The following NTM variants were observed in gnomAD, a reference collection of about 807,000 sequenced individuals.
NTM encodes neurotrimin.
A neutral mutation model predicts 42.1 loss-of-function variants in NTM; 13 were observed. The observed-to-expected ratio is 0.31, with a 90% CI of 0.20 to 0.49. The LOEUF (loss-of-function observed/expected upper bound fraction) is 0.49. Ranked by LOEUF, NTM falls within the 20% of genes least tolerant of loss-of-function variation. The pLI, the probability that NTM is intolerant of heterozygous loss-of-function variation, is 0.99. For synonymous variants in NTM, 187 were observed against 179.2 expected (o/e 1.04, Z -0.35); for missense variants, 373 against 452.8 (o/e 0.82, Z 1.60).
intron 1 of NTM, among the ~76,000 whole-genome samples, chr11:131,863,668 T>C (rs2046862703): frequency 6.6e-6 from 1 of 152,240 alleles, no homozygotes; most frequent in African/African-American, 2.4e-5. Flanking sequence ...TACTGTCCTG[T>C]CTGACGTCCA....
At chr11:131,549,884 C>G (rs117090998) in intron 1 of NTM, among the ~76,000 whole-genome samples, 1 of 152,210 alleles carries the variant, frequency 6.6e-6, no homozygotes, top group Non-Finnish European at 1.5e-5. Context: ...TGACAAACCA[C>G]GATTCGAGGT....
At chr11:131,824,839 T>C (rs1172995948) in intron 1 of NTM, among the ~76,000 whole-genome samples, 1 of 152,082 alleles carries the variant, frequency 6.6e-6, no homozygotes, top group Admixed American at 6.6e-5. Flanking sequence ...ACAAAAGAAA[T>C]GGCTTGTGCA....
chr11:131,714,843 G>A (rs533302155), intron 1 of NTM, among the ~76,000 whole-genome samples: 1 of 152,258 alleles, frequency 6.6e-6, no homozygotes, highest in South Asian at 2.1e-4. Flanking sequence ...AGTGTCCACA[G>A]CCTTTGCAGT....
chr11:131,786,890 A>C (rs1408421050), intron 1 of NTM, among the ~76,000 whole-genome samples: 2 of 152,212 alleles, frequency 1.3e-5, no homozygotes, highest in Non-Finnish European at 2.9e-5. Flanking sequence ...TGAGCACTGA[A>C]AATAGGCTTA....
chr11:131,757,383 A>G (rs888684815), intron 1 of NTM, among the ~76,000 whole-genome samples: 2 of 152,212 alleles, frequency 1.3e-5, no homozygotes, highest in Non-Finnish European at 2.9e-5. Flanking sequence ...ATGGACTCCA[A>G]CTGTCTAGCT....
chr11:131,488,131 C>T (rs766864592), intron 1 of NTM, among the ~76,000 whole-genome samples: 20 of 152,216 alleles, frequency 1.3e-4, no homozygotes, highest in Non-Finnish European at 2.5e-4. Flanking sequence ...AAAACTCAGG[C>T]TTCAGGGGCT....
At chr11:132,101,188 C>G (rs936971477) in intron 2 of NTM, among the ~76,000 whole-genome samples, 3 of 152,140 alleles carry the variant, frequency 2.0e-5, no homozygotes, top group Non-Finnish European at 4.4e-5. Flanking sequence ...TCCTCTCCTG[C>G]CCTCCCCACC....
At chr11:132,323,874 C>T (rs867168172) in intron 7 of NTM, among the ~76,000 whole-genome samples, 20,847 of 145,176 alleles carry the variant, frequency 0.14, 1,849 homozygotes, top group Non-Finnish European at 0.2. Flanking sequence ...GTTCAATATA[C>T]ACAAATCAAT....
intron 1 of NTM, among the ~76,000 whole-genome samples, chr11:131,440,803 A>C (rs1949548554): frequency 4.6e-5 from 4 of 86,444 alleles, no homozygotes; most frequent in Non-Finnish European, 6.5e-5. Flanking sequence ...GCCACCCCTC[A>C]CCACAGCCTC....
At chr11:132,277,966 A>G (rs1299214607) in intron 4 of NTM, among the ~76,000 whole-genome samples, 1 of 152,210 alleles carries the variant, frequency 6.6e-6, no homozygotes, top group South Asian at 2.1e-4. Flanking sequence ...CAGTTTATTG[A>G]GAACTCGAAA....
chr11:132,230,623 C>T (rs2087336242), intron 4 of NTM, among the ~76,000 whole-genome samples: 1 of 152,248 alleles, frequency 6.6e-6, no homozygotes, highest in African/African-American at 2.4e-5. Context: ...TCTGAGCCTT[C>T]GCCATCTCCT....
At chr11:131,722,932 C>T (rs1052796557) in intron 1 of NTM, among the ~76,000 whole-genome samples, 18 of 152,316 alleles carry the variant, frequency 1.2e-4, no homozygotes, top group African/African-American at 3.8e-4. Flanking sequence ...AACTTCTGGG[C>T]TGCAATTGAT....
In NTM at chr11:132,310,160, A is replaced by G. The variant is rs1182646044; in HGVS notation, c.710A>G (p.Gln237Arg). 1.2e-6 allele frequency: 2 copies of G among 1,611,086 alleles called. No individual in the cohort carries two copies. Among genetic ancestry groups the G allele is most frequent in the East Asian group, 2.2e-5 (1 of 44,628 alleles). Residue 237 changes from glutamine to arginine, a missense_variant, in exon 6 of 9, where the codon CAA becomes CGA. Gln to Arg is a conservative substitution (Grantham distance 43). Coordinates refer to ENST00000683400, the MANE Select transcript of NTM (RefSeq NM_001352005.2). ...AAGGGTACAGGTGTCCCCGTGGGAC[A>G]AAAGGGGACACTGCAGTGTGAAGCC... ...EAKGTGVPVG[Q>R]KGTLQCEASA...
intron 2 of NTM, among the ~76,000 whole-genome samples, chr11:132,006,976 A>C (rs1302113669): frequency 6.6e-6 from 1 of 152,182 alleles, no homozygotes; most frequent in Non-Finnish European, 1.5e-5. Context: ...GGTGGGCTAA[A>C]CATTTTACTT....
intron 1 of NTM, among the ~76,000 whole-genome samples, chr11:131,527,288 A>G (rs1334663497): frequency 1.3e-5 from 2 of 152,040 alleles, no homozygotes; most frequent in African/African-American, 4.8e-5. Context: ...AACAGTTTTT[A>G]TTCCCCCACC....
chr11:132,223,541 C>G (rs1469554178), intron 4 of NTM, among the ~76,000 whole-genome samples: 1 of 152,146 alleles, frequency 6.6e-6, no homozygotes, highest in African/African-American at 2.4e-5. Context: ...CACATGGTGA[C>G]AGAACCTATT....
At chr11:131,623,448 A>G (rs1209401769) in intron 1 of NTM, among the ~76,000 whole-genome samples, 1 of 152,258 alleles carries the variant, frequency 6.6e-6, no homozygotes, top group Non-Finnish European at 1.5e-5. Context: ...GACAGATGCC[A>G]TGCTGTCCAC....
In NTM at chr11:131,651,220, C is replaced by T. The variant is rs112344262; in HGVS notation, c.83-260344C>T. Among the ~76,000 whole-genome samples the T allele has an allele frequency of 1.4e-3, 210 of 152,274 alleles. 1 individual carries two copies. The highest frequency in any genetic ancestry group is 4.8e-3 in the African/African-American group (200 of 41,554). The stretch of plus-strand genomic sequence containing the variant: ...ACAGATACTGTGTAGGTGGTTATTG[C>T]AGAATTAATCCTCAGTAAATGTTTT... On this transcript the variant is annotated intron_variant, in intron 1 of 8. Transcript: ENST00000683400.
chr11:131,816,466 G>A (rs950123376), intron 1 of NTM, among the ~76,000 whole-genome samples: 1 of 151,802 alleles, frequency 6.6e-6, no homozygotes, highest in Non-Finnish European at 1.5e-5. Flanking sequence ...TATCTTAGAG[G>A]CTTTGTTAAT....
Sources: allele counts gnomAD v4.1 joint callset (sites outside exome capture counted in the v4.1 genomes callset), GRCh38; gene constraint gnomAD v4.1.1; transcripts MANE v1.5; gene names NCBI Gene and HGNC (gene_info 2026-07-23, HGNC 2026-07-21).